Variants in DNAH10 observed in about 807,000 individuals in gnomAD.
The protein encoded by DNAH10 is axonemal beta dynein heavy chain 10.
In DNAH10, 348 loss-of-function variants were observed where a neutral mutation model predicts 506.6. The observed-to-expected ratio is 0.69, with a 90% CI of 0.63 to 0.75. The LOEUF (loss-of-function observed/expected upper bound fraction) is 0.75. Ranked by LOEUF, DNAH10 falls within the 30% of genes least tolerant of loss-of-function variation. The pLI is 0.00. For synonymous variants in DNAH10, 2,059 were observed against 2,198.6 expected, an observed-to-expected ratio of 0.94 and a Z score of 1.78; for missense variants, 5,179 against 5,787.1, an observed-to-expected ratio of 0.89 and a Z score of 3.41.
Position 123,835,539 on chromosome 12 carries a change from C to G in DNAH10, c.4902+11C>G. The G allele has an allele frequency of 1.2e-6, 2 of 1,603,550 alleles. No homozygotes were observed. Among genetic ancestry groups the G allele is most frequent in the East Asian group, 2.2e-5 (1 of 44,668 alleles). On this transcript the variant is annotated intron_variant, in intron 28 of 78. Transcript: ENST00000673944. ...AAAGTATTTAAAAGGGCAAGTGACT[C>G]GCTTCTATTTTAGTAATGAAAGAAG...
intron 52 of DNAH10, among the ~76,000 whole-genome samples, chr12:123,891,525 G>A (rs1952981471): frequency 6.6e-6 from 1 of 152,156 alleles, no homozygotes; most frequent in Admixed American, 6.5e-5. Flanking sequence ...GGAGAGCCCA[G>A]CACTGAGTTC....
Position 123,763,815 on chromosome 12 carries a change from G to A in DNAH10, c.214+1265G>A, listed in dbSNP as rs531990840. Among the ~76,000 whole-genome samples, 11 of 151,178 alleles carry A rather than the reference G, an allele frequency of 7.3e-5. No individual in the cohort carries two copies. The East Asian group carries it at 1.4e-3, about 19-fold the overall frequency. On this transcript the variant is annotated intron_variant, in intron 1 of 78. Coordinates refer to ENST00000673944, the MANE Select transcript of DNAH10 (RefSeq NM_001372106.1). ...TGAGGTCAAGTGATCCTCCCGCCTC[G>A]GCCTCCCAAAGTGCTGGGATTCCAG...
chr12:123,919,233 C>T lies in DNAH10; in HGVS notation c.11506+284C>T, dbSNP rs1376565082. ...TGGGACTAAAGGCACGCCACCACAC[C>T]CAGCTAAGTTTTTGTATATTTTGTA... On this transcript the variant is annotated intron_variant, in intron 65 of 78. Transcript: ENST00000673944. The surrounding 1 kb of genome is among the most constrained non-coding windows in gnomAD (Gnocchi z 4.9). Among the ~76,000 whole-genome samples, 1 of 151,904 alleles carries T rather than the reference C, an allele frequency of 6.6e-6. No individual in the cohort carries two copies. The highest frequency in any genetic ancestry group is 1.5e-5 in the Non-Finnish European group (1 of 67,980).
chr12:123,847,120 A>C (rs530703673), intron 32 of DNAH10, among the ~76,000 whole-genome samples: 11 of 151,464 alleles, frequency 7.3e-5, no homozygotes, highest in African/African-American at 2.7e-4. Flanking sequence ...TTATCCATCC[A>C]TCCGTGCATC....
At chr12:123,799,046 A>C (rs1279662542) in intron 13 of DNAH10, among the ~76,000 whole-genome samples, 200 bp from the exon 14 acceptor site, 2 of 147,900 alleles carry the variant, frequency 1.4e-5, no homozygotes, top group African/African-American at 4.9e-5. Flanking sequence ...CGAAGGATGT[A>C]GTGAGCTGAG....
chr12:123,917,317 T>C lies in DNAH10; in HGVS notation c.11003-267T>C, dbSNP rs561757095. 6.6e-6 allele frequency among the ~76,000 whole-genome samples: 1 copy of C among 152,292 alleles called. No homozygotes were observed. Among genetic ancestry groups the C allele is most frequent in the African/African-American group, 2.4e-5 (1 of 41,564 alleles). On this transcript the variant is annotated intron_variant, in intron 63 of 78. Coordinates refer to ENST00000673944, the MANE Select transcript of DNAH10 (RefSeq NM_001372106.1). The surrounding 1 kb of genome is among the most constrained non-coding windows in gnomAD (Gnocchi z 5.6). ...CCACTGCGCCCAGTCTGGGTATACT[T>C]TAAACTATGGCACCCCAGTCCGTGG...
Position 123,787,978 on chromosome 12 carries a change from C to G in DNAH10, c.1596C>G (p.Cys532Trp). The G allele has an allele frequency of 6.3e-7, 1 of 1,579,584 alleles. No individual in the cohort carries two copies. Among genetic ancestry groups the G allele is most frequent in the Non-Finnish European group, 8.6e-7 (1 of 1,162,454 alleles). Residue 532 changes from cysteine to tryptophan, a missense_variant, in exon 10 of 79, where the codon TGC (cysteine) becomes TGG (tryptophan). By Grantham distance (215) the Cys-to-Trp change is radical. Transcript: ENST00000673944. The surrounding 1 kb of genome is among the most constrained non-coding windows in gnomAD (Gnocchi z 4.6). ...FERTDYMATI[C>W]QDLSDVLQIL... The stretch of plus-strand genomic sequence containing the variant: ...GGACGGATTATATGGCCACCATCTG[C>G]CAGGACCTCTCCGACGTTCTGCAGG...
intron 24 of DNAH10, among the ~76,000 whole-genome samples, chr12:123,825,685 G>A (rs916952654): frequency 6.6e-6 from 1 of 152,184 alleles, no homozygotes; most frequent in African/African-American, 2.4e-5. Flanking sequence ...ACAGGGAAAT[G>A]GGGCAGCTTT....
chr12:123,778,467 G>C lies in DNAH10; in HGVS notation c.622-2613G>C, dbSNP rs375942917. On this transcript the variant is annotated intron_variant, in intron 5 of 78. Coordinates refer to ENST00000673944, the MANE Select transcript of DNAH10 (RefSeq NM_001372106.1). ...CCCAGCACTTTGGGAGGCCAAGGTG[G>C]ATGGATCACCTGAGGTCAGGAGTTC... 3.9e-5 allele frequency among the ~76,000 whole-genome samples: 6 copies of C among 152,232 alleles called. No individual in the cohort carries two copies. The South Asian group carries it at 8.3e-4, about 21-fold the overall frequency.
chr12:123,780,241 C>T (rs1957595730), intron 5 of DNAH10, among the ~76,000 whole-genome samples: 1 of 151,406 alleles, frequency 6.6e-6, no homozygotes, highest in Non-Finnish European at 1.5e-5. Context: ...ATCTCGGCTC[C>T]CTGCAACCGC....
intron 52 of DNAH10, among the ~76,000 whole-genome samples, chr12:123,892,288 G>A (rs1024732941): frequency 1.3e-5 from 2 of 152,228 alleles, no homozygotes; most frequent in African/African-American, 4.8e-5. Context: ...GAAGGTGAAG[G>A]GGGAGCAGGC....
chr12:123,935,665 C>T lies in DNAH10; in HGVS notation c.*184C>T. 4 of 550,342 alleles carry T rather than the reference C, an allele frequency of 7.3e-6. No homozygotes were observed. Among genetic ancestry groups the T allele is most frequent in the South Asian group, 5.2e-5 (1 of 19,392 alleles). The allele number at this position is 550,342 out of a possible 1,614,324, so 34.1% of individuals were successfully genotyped here. A position where few individuals can be genotyped will look rare whatever the true frequency, so the allele number is the denominator to read the frequency against. On this transcript the variant is annotated 3_prime_UTR_variant, in exon 79 of 79. Transcript: ENST00000673944. ...AACCTGAATGGTTTTGTTTTTAATA[C>T]TACTTTTTAAAAGGAATTTATATAA...
chr12:123,818,902 A>G, intron 21 of DNAH10, 48 bp from the exon 22 acceptor site: 1 of 1,309,228 alleles, frequency 7.6e-7, no homozygotes, highest in Non-Finnish European at 1.1e-6. Flanking sequence ...TCAATTCCAA[A>G]TTGCTCATCA....
chr12:123,838,798 T>C (rs1950661975), intron 29 of DNAH10, 109 bp downstream of exon 29: 1 of 1,029,670 alleles, frequency 9.7e-7, no homozygotes. Context: ...AAGACTGAAA[T>C]GCTGCTGGAG....
At chr12:123,769,966 T>C (rs1193417596) in intron 2 of DNAH10, among the ~76,000 whole-genome samples, 2 of 150,652 alleles carry the variant, frequency 1.3e-5, no homozygotes, top group African/African-American at 4.9e-5. Context: ...TTTGGGCTGT[T>C]GTGGTGGCTC....
In DNAH10 at chr12:123,881,762, C is replaced by T. The variant is rs370067150; in HGVS notation, c.8772C>T (p.Gly2924=). 5.9e-6 allele frequency: 9 copies of T among 1,536,148 alleles called. No individual in the cohort carries two copies. Among genetic ancestry groups the T allele is most frequent in the Non-Finnish European group, 7.0e-6 (8 of 1,139,684 alleles). ...ACGCCCTGCTGGTCGGGGTAGGGGG[C>T]TCAGGGAAGCAGTCTCTTTCGAGGC... is the stretch of plus-strand genomic sequence containing the variant. The part of the protein sequence containing the change: ...RGHALLVGVG[G]SGKQSLSRLA... Residue 2924 remains glycine (G), a synonymous_variant, in exon 51 of 79, where the codon GGC becomes GGT. Coordinates refer to ENST00000673944, the MANE Select transcript of DNAH10 (RefSeq NM_001372106.1).
intron 51 of DNAH10, 142 bp downstream of exon 51, chr12:123,881,955 T>A (rs1361535448): frequency 9.8e-6 from 8 of 815,106 alleles, no homozygotes; most frequent in Non-Finnish European, 1.2e-5. Context: ...TGGTTTGTTT[T>A]ATTTTTTCTT....
chr12:123,806,842 G>A (rs563657526), intron 18 of DNAH10, among the ~76,000 whole-genome samples: 18 of 149,054 alleles, frequency 1.2e-4, no homozygotes, highest in Non-Finnish European at 1.9e-4. Context: ...ATCTTGGCTC[G>A]CTGCAACCTC....
Position 123,914,867 on chromosome 12 carries a change from C to T in DNAH10, c.10590C>T (p.Gly3530=), listed in dbSNP as rs758170540. Residue 3530 remains glycine, a synonymous_variant, in exon 62 of 79, where the codon GGC becomes GGT. Transcript: ENST00000673944. ...TTTCTTCCAGATGGGGATCCCAGGGCCTTCCCCCCGATGAGCTCTCCGTTC... is the reference window on the plus strand; with the variant it reads ...TTTCTTCCAGATGGGGATCCCAGGGTCTTCCCCCCGATGAGCTCTCCGTTC... The part of the protein sequence containing the change: ...DVEISRWGSQ[G]LPPDELSVQN... The T allele has an allele frequency of 5.6e-6, 9 of 1,613,500 alleles. No individual in the cohort carries two copies. The highest frequency in any genetic ancestry group is 2.2e-5 in the South Asian group (2 of 91,006).
Sources: allele counts gnomAD v4.1 joint callset (sites outside exome capture counted in the v4.1 genomes callset), GRCh38; gene constraint gnomAD v4.1.1; non-coding constraint Gnocchi (gnomAD v3.1); transcripts MANE v1.5; gene names NCBI Gene and HGNC (gene_info 2026-07-23, HGNC 2026-07-21).